DCC: variants seen among roughly 807,000 people sequenced by gnomAD.
DCC encodes DCC netrin 1 receptor.
In DCC, 58 loss-of-function variants were observed where a neutral mutation model predicts 172.5. The ratio of observed to expected loss-of-function variants is 0.34; its 90% confidence interval spans 0.27 to 0.42. The LOEUF (loss-of-function observed/expected upper bound fraction) is 0.42, where lower values mean the gene tolerates loss of function less well. Among genes scored for constraint, DCC ranks in the 10% least tolerant of loss-of-function variants. The pLI is 1.00. For missense variants in DCC, 1,740 were observed against 1,791.0 expected, an observed-to-expected ratio of 0.97 and a Z score of 0.51; for synonymous variants, 709 against 644.5, an observed-to-expected ratio of 1.10 and a Z score of -1.52.
intron 2 of DCC, among the ~76,000 whole-genome samples, chr18:52,852,081 T>G (rs1162339260): frequency 6.6e-6 from 1 of 152,118 alleles, no homozygotes; most frequent in Non-Finnish European, 1.5e-5. Flanking sequence ...TAATACAAGT[T>G]TAACTTAAAA....
intron 5 of DCC, among the ~76,000 whole-genome samples, chr18:52,939,904 A>G (rs959903462): frequency 6.6e-6 from 1 of 152,188 alleles, no homozygotes; most frequent in African/African-American, 2.4e-5. Flanking sequence ...CTGTCAAACA[A>G]AAAATAGAAC....
intron 23 of DCC, among the ~76,000 whole-genome samples, chr18:53,451,105 T>TAA (rs1441554215): frequency 9.2e-5 from 14 of 152,318 alleles, no homozygotes; most frequent in African/African-American, 2.9e-4. Context: ...GAGAGATGAC[T>TAA]AAATATAGAA....
intron 20 of DCC, among the ~76,000 whole-genome samples, chr18:53,414,581 G>T (rs561918941): frequency 6.6e-6 from 1 of 152,236 alleles, no homozygotes; most frequent in East Asian, 1.9e-4. Context: ...GGGCGTGGTG[G>T]CTCACACCTG....
At chr18:52,815,328 G>GATAAAT (rs2038273081) in intron 2 of DCC, among the ~76,000 whole-genome samples, 1 of 151,812 alleles carries the variant, frequency 6.6e-6, no homozygotes, top group Non-Finnish European at 1.5e-5. Context: ...CATAAGAGTG[G>GATAAAT]GTCCCTAATC....
chr18:53,094,942 C>T (rs1249643824), intron 7 of DCC, among the ~76,000 whole-genome samples: 2 of 152,072 alleles, frequency 1.3e-5, no homozygotes, highest in African/African-American at 2.4e-5. Context: ...AGATAATCTA[C>T]TCTAGAACTC....
chr18:53,341,026 G>T (rs1002054740), intron 15 of DCC, among the ~76,000 whole-genome samples: 1 of 152,128 alleles, frequency 6.6e-6, no homozygotes, highest in Non-Finnish European at 1.5e-5. Flanking sequence ...ACACCTACTG[G>T]AAATCTCCAC....
At chr18:53,125,745 G>A (rs966004565) in intron 7 of DCC, among the ~76,000 whole-genome samples, 3 of 152,106 alleles carry the variant, frequency 2.0e-5, no homozygotes, top group African/African-American at 4.8e-5. Flanking sequence ...TGGACCACAC[G>A]CAGCTCCGAA....
chr18:52,701,625 G>A (rs117890246), intron 1 of DCC, among the ~76,000 whole-genome samples: 4 of 152,126 alleles, frequency 2.6e-5, no homozygotes, highest in Admixed American at 6.5e-5. Context: ...ATTTGTATAC[G>A]TGAAACAGTG....
At chr18:53,366,907 C>T (rs2058011618) in intron 15 of DCC, among the ~76,000 whole-genome samples, 1 of 152,194 alleles carries the variant, frequency 6.6e-6, no homozygotes, top group Admixed American at 6.5e-5. Flanking sequence ...CAAGGACTTA[C>T]ACCCAGAGAT....
At chr18:52,478,227 T>C (rs1219943074) in intron 1 of DCC, among the ~76,000 whole-genome samples, 2 of 152,212 alleles carry the variant, frequency 1.3e-5, no homozygotes, top group East Asian at 1.9e-4. Context: ...CAGTACCCTA[T>C]GGTTGTGCCC....
chr18:52,860,651 A>G (rs2145360298), intron 2 of DCC, among the ~76,000 whole-genome samples: 1 of 152,332 alleles, frequency 6.6e-6, no homozygotes, highest in African/African-American at 2.4e-5. Context: ...ACTCAGCCTT[A>G]TTATTTGCAT....
intron 1 of DCC, among the ~76,000 whole-genome samples, chr18:52,688,032 T>C (rs1336780392): frequency 2.6e-5 from 4 of 152,140 alleles, no homozygotes; most frequent in African/African-American, 9.7e-5. Context: ...ACCATGGGTC[T>C]AAATTGCCCA....
At chr18:53,269,447 C>T (rs1336060525) in intron 12 of DCC, among the ~76,000 whole-genome samples, 1 of 152,038 alleles carries the variant, frequency 6.6e-6, no homozygotes, top group South Asian at 2.1e-4. Context: ...CTATGACACC[C>T]CCTCTCCACC....
At chr18:52,426,544 A>T (rs1015396321) in intron 1 of DCC, among the ~76,000 whole-genome samples, 1 of 152,018 alleles carries the variant, frequency 6.6e-6, no homozygotes. Flanking sequence ...ACAGATTTGC[A>T]AACAAATCAA....
intron 7 of DCC, among the ~76,000 whole-genome samples, chr18:53,120,681 A>T (rs2043470992): frequency 6.6e-6 from 1 of 151,806 alleles, no homozygotes. Flanking sequence ...CTTGCTGCTA[A>T]ATTATTTTAA....
chr18:52,929,034 G>A (rs907097915), intron 5 of DCC, among the ~76,000 whole-genome samples: 1 of 152,052 alleles, frequency 6.6e-6, no homozygotes, highest in Admixed American at 6.6e-5. Context: ...CATGTATCCT[G>A]ATCCAGGCTC....
chr18:53,217,534 G>A (rs2055873331), intron 12 of DCC, among the ~76,000 whole-genome samples: 1 of 151,880 alleles, frequency 6.6e-6, no homozygotes, highest in Non-Finnish European at 1.5e-5. Context: ...TTCTCTCTCT[G>A]ATCTTATTTC....
intron 2 of DCC, among the ~76,000 whole-genome samples, chr18:52,882,210 C>G (rs2039496701): frequency 6.7e-6 from 1 of 149,310 alleles, no homozygotes; most frequent in African/African-American, 2.4e-5. Context: ...TAGGTTTTTA[C>G]AAATATAAGA....
intron 1 of DCC, among the ~76,000 whole-genome samples, chr18:52,713,962 G>T (rs1800837311): frequency 6.6e-6 from 1 of 152,140 alleles, no homozygotes; most frequent in South Asian, 2.1e-4. Flanking sequence ...AATTGCCTGG[G>T]TTCTGTTTTA....
Sources: allele counts gnomAD v4.1 joint callset (sites outside exome capture counted in the v4.1 genomes callset), GRCh38; gene constraint gnomAD v4.1.1; transcripts MANE v1.5; gene names NCBI Gene and HGNC (gene_info 2026-07-23, HGNC 2026-07-21).